The following NXF3 variants were observed in gnomAD, a reference collection of about 807,000 sequenced individuals.
The protein encoded by NXF3 is TAP-like protein 3.
A neutral mutation model predicts 48.4 loss-of-function variants in NXF3; 34 were observed. That is an observed-to-expected ratio of 0.70 (90% confidence interval 0.53 to 0.93). The LOEUF (loss-of-function observed/expected upper bound fraction) is 0.93. Ranked by LOEUF, NXF3 falls within the 40% of genes least tolerant of loss-of-function variation. The pLI is 0.00. For synonymous variants in NXF3, 132 were observed against 145.7 expected (o/e 0.91, Z 0.68); for missense variants, 359 against 406.1 (o/e 0.88, Z 1.00).
intron 2 of NXF3, 98 bp downstream of exon 2, chrX:103,084,617 C>T (rs1288530146): frequency 8.9e-7 from 1 of 1,125,480 alleles, no homozygotes; most frequent in African/African-American, 1.8e-5. Context: ...TCTGTCATTC[C>T]TCTCTCTGTC....
At chrX:103,080,879 A>G (rs1921991377) in intron 9 of NXF3, 1 of 378,073 alleles carries the variant, frequency 2.6e-6, no homozygotes, top group Non-Finnish European at 4.7e-6. Flanking sequence ...GGGCTCTGCT[A>G]CCTCACTGGA....
At chrX:103,082,021 C>T in intron 9 of NXF3, 1 of 396,057 alleles carries the variant, frequency 2.5e-6, no homozygotes, top group Non-Finnish European at 4.5e-6. Flanking sequence ...CTAGAGGAGG[C>T]TGGGTGGAGA....
At chrX:103,079,501 T>C (rs1201721793) in intron 14 of NXF3, 27 bp from the exon 15 acceptor site, 1 of 1,192,549 alleles carries the variant, frequency 8.4e-7, no homozygotes, top group Non-Finnish European at 1.1e-6. Flanking sequence ...AAGCAAGGAT[T>C]TGGGGGGCTG....
intron 1 of NXF3, chrX:103,087,905 C>T: frequency 1.0e-6 from 1 of 965,157 alleles, no homozygotes; most frequent in Non-Finnish European, 1.5e-6. Context: ...CAAATCCATA[C>T]TAGGAATAAG....
At chrX:103,089,348 C>T (rs1305802111) in intron 1 of NXF3, 6 of 335,750 alleles carry the variant, frequency 1.8e-5, no homozygotes, top group Middle Eastern at 8.1e-4. Flanking sequence ...ATTTAAAATG[C>T]GTTTTTATCA....
intron 9 of NXF3, among the ~76,000 whole-genome samples, chrX:103,081,903 C>T (rs985899313): frequency 2.7e-5 from 3 of 111,563 alleles, no homozygotes; most frequent in African/African-American, 9.8e-5. Context: ...CAGCATGAGG[C>T]CCTGGACTAA....
At chrX:103,082,129 G>A (rs753555805) in intron 9 of NXF3, 126 bp downstream of exon 9, 216 of 536,563 alleles carry the variant, frequency 4.0e-4, no homozygotes, top group Non-Finnish European at 5.8e-5. Flanking sequence ...CACAGAGAGA[G>A]GAGTGGGGCG....
chrX:103,080,108 C>G lies in NXF3; in HGVS notation c.996+40G>C, dbSNP rs201760441. 8.9e-5 allele frequency: 107 copies of G among 1,206,123 alleles called. 1 individual carries two copies. Among genetic ancestry groups the G allele is most frequent in the Non-Finnish European group, 1.1e-4 (99 of 892,158 alleles). ...CCCCAGGACCACAGATGGTACCCCC[C>G]CTTCCTCATGCACCACCCTGCTGGA... On this transcript the variant is annotated intron_variant, in intron 11 of 19. Transcript: ENST00000395065.
intron 9 of NXF3, chrX:103,081,037 T>G: frequency 1.3e-5 from 2 of 157,637 alleles, no homozygotes; most frequent in Non-Finnish European, 2.4e-5. Context: ...GGGGTGAAGG[T>G]AGGGGAGGGA....
At chrX:103,091,826 A>G (rs760136316) in intron 1 of NXF3, among the ~76,000 whole-genome samples, 2 of 109,130 alleles carry the variant, frequency 1.8e-5, no homozygotes, top group South Asian at 8.5e-4. Context: ...TCTACTAAAA[A>G]TACAAAAAAT....
In NXF3 at chrX:103,092,984, T is replaced by C. The variant is rs1369582306; in HGVS notation, c.28+12A>G. The C allele has an allele frequency of 3.3e-6, 4 of 1,207,168 alleles. No individual in the cohort carries two copies. The highest frequency in any genetic ancestry group is 4.5e-6 in the Non-Finnish European group (4 of 892,794). On this transcript the variant is annotated intron_variant, in intron 1 of 19. Transcript: ENST00000395065. ...GAGACCTGAGACTCCAGCCTCATGC[T>C]GGCCAACTCACCCGTAGTGTGTCCT...
chrX:103,082,494 C>A, intron 8 of NXF3, 130 bp from the exon 9 acceptor site: 4 of 492,100 alleles, frequency 8.1e-6, no homozygotes, highest in Non-Finnish European at 1.1e-5. Flanking sequence ...ACCCTCCTCC[C>A]CCTTTTTCTT....
At chrX:103,078,458 T>A in intron 17 of NXF3, 102 bp downstream of exon 17, 2 of 1,148,541 alleles carry the variant, frequency 1.7e-6, no homozygotes, top group African/African-American at 1.8e-5. Context: ...AGACTGTCGG[T>A]TTTTTACAAC....
chrX:103,089,486 T>C (rs1385091648), intron 1 of NXF3, among the ~76,000 whole-genome samples: 3 of 112,357 alleles, frequency 2.7e-5, no homozygotes, highest in Non-Finnish European at 5.6e-5. Flanking sequence ...GGCAAGAACA[T>C]GATTTGATGC....
intron 1 of NXF3, among the ~76,000 whole-genome samples, chrX:103,091,839 G>T (rs1922284074): frequency 9.2e-6 from 1 of 108,972 alleles, no homozygotes; most frequent in African/African-American, 3.3e-5. Flanking sequence ...CAAAAAATTA[G>T]CCAGGCATGG....
intron 1 of NXF3, chrX:103,089,137 T>C: frequency 2.5e-6 from 2 of 815,611 alleles, no homozygotes; most frequent in Non-Finnish European, 3.7e-6. Flanking sequence ...AAACACTAAC[T>C]AATTCATGCA....
At chrX:103,084,250 C>T in intron 3 of NXF3, 92 bp downstream of exon 3, 1 of 1,002,484 alleles carries the variant, frequency 1.0e-6, no homozygotes, top group East Asian at 3.1e-5. Flanking sequence ...TACTTTCCTG[C>T]CCTTACAAAA....
At position 103,079,361 on chromosome X, in the gene NXF3, T is replaced by A; in HGVS notation, c.1333A>T (p.Thr445Ser). The change falls in exon 15 of 20, where the codon ACG (threonine) becomes TCG (serine). Residue 445 changes from threonine to serine, a missense_variant and splice_region_variant. Transcript: ENST00000395065. ...CAAGGGAGGAAGCAGGTACTCACCG[T>A]CTGGTACCACATGTCCACCAGGAAG... ...SSFLVDMWYQ[T>S]EWMLCFSVNG... 1 of 1,210,313 alleles carries A rather than the reference T, an allele frequency of 8.3e-7. No homozygotes were observed. The highest frequency in any genetic ancestry group is 1.1e-6 in the Non-Finnish European group (1 of 894,067).
rs776120154 is a variant in NXF3 at position 103,080,762 on chromosome X, G to C, written c.891-150C>G. On this transcript the variant is annotated intron_variant, in intron 9 of 19. Transcript: ENST00000395065. ...GCCTCTGCAGCCCTGGGCAGCATTG[G>C]GAGCCCAGGCTTCAGGACTTTCTTC... The C allele has an allele frequency of 9.6e-5, 50 of 519,497 alleles. No individual in the cohort carries two copies. The African/African-American group carries it at 1.1e-3, about 12-fold the overall frequency. 42.8% of individuals were successfully genotyped at this position (519,497 alleles called of 1,213,427 possible). A position where few individuals can be genotyped will look rare whatever the true frequency, so the allele number is the denominator to read the frequency against.
Sources: allele counts gnomAD v4.1 joint callset (sites outside exome capture counted in the v4.1 genomes callset), GRCh38; gene constraint gnomAD v4.1.1; transcripts MANE v1.5; gene names NCBI Gene and HGNC (gene_info 2026-07-23, HGNC 2026-07-21).